NADK2: variants seen among roughly 807,000 people sequenced by gnomAD.
NADK2 encodes NAD kinase 2, mitochondrial, also known as NAD kinase domain-containing protein 1, mitochondrial.
NADK2 carries 35 observed loss-of-function variants against 62.1 expected under a neutral mutation model. The observed-to-expected ratio is 0.56, with a 90% CI of 0.43 to 0.75. The LOEUF (loss-of-function observed/expected upper bound fraction) is 0.75. NADK2 is among the 30% of genes least tolerant of loss of function. The pLI is 0.00. For missense variants in NADK2, 439 were observed against 561.3 expected, an observed-to-expected ratio of 0.78 and a Z score of 2.20; for synonymous variants, 205 against 207.9, an observed-to-expected ratio of 0.99 and a Z score of 0.12.
At chr5:36,240,757 A>G (rs1207833535) in intron 1 of NADK2, among the ~76,000 whole-genome samples, 1 of 152,220 alleles carries the variant, frequency 6.6e-6, no homozygotes, top group Non-Finnish European at 1.5e-5. Context: ...ACTGCTGCAC[A>G]AGAGTCGCAG....
chr5:36,204,849 T>G lies in NADK2; in HGVS notation c.956+2321A>C, dbSNP rs577322021. Among the ~76,000 whole-genome samples, 10 of 152,118 alleles carry G rather than the reference T, an allele frequency of 6.6e-5. No individual in the cohort carries two copies. The East Asian group carries it at 1.9e-3, about 29-fold the overall frequency. The stretch of plus-strand genomic sequence containing the variant: ...GATAGGGGTACAGAGGTAACAAGAT[T>G]GGGCATGTGTTGATAATTACTGAAA... On this transcript the variant is annotated intron_variant, in intron 8 of 11. Transcript: ENST00000381937.
intron 7 of NADK2, among the ~76,000 whole-genome samples, chr5:36,209,001 A>C (rs1198447620): frequency 6.6e-6 from 1 of 152,136 alleles, no homozygotes; most frequent in African/African-American, 2.4e-5. Flanking sequence ...GCATTAAATG[A>C]GATAGCATAC....
At position 36,241,298 on chromosome 5, in the gene NADK2, C is replaced by T; in HGVS notation, c.300+201G>A. 4 of 1,074,650 alleles carry T rather than the reference C, an allele frequency of 3.7e-6. No individual in the cohort carries two copies. Among genetic ancestry groups the T allele is most frequent in the Non-Finnish European group, 4.9e-6 (4 of 816,560 alleles). 66.6% of individuals were successfully genotyped at this position (1,074,650 alleles called of 1,614,324 possible). A position where few individuals can be genotyped will look rare whatever the true frequency, so the allele number is the denominator to read the frequency against. On this transcript the variant is annotated intron_variant, in intron 1 of 11. Coordinates refer to ENST00000381937, the MANE Select transcript of NADK2 (RefSeq NM_001085411.3). This position sits in a 1 kb window ranked among gnomAD's most constrained non-coding sequence, Gnocchi z 4.9. ...CCCTCTCTCTCCCCCTCTCCCCGGCCCTGCCTCTCCCTCGCACACACGCCC... is the reference window on the plus strand; with the variant it reads ...CCCTCTCTCTCCCCCTCTCCCCGGCTCTGCCTCTCCCTCGCACACACGCCC...
rs1746593163 is a variant in NADK2, at chr5:36,205,281, CTT to C, written c.956+1887_956+1888del. On this transcript the variant is annotated intron_variant, in intron 8 of 11. Transcript: ENST00000381937. The surrounding 1 kb of genome is among the most constrained non-coding windows in gnomAD (Gnocchi z 4.1). ...AGGATGAAAATGATTAATTCACTGTCTTTATGAAACAGGTGAGTGTTAAGGAT... is the reference window on the plus strand; with the variant it reads ...AGGATGAAAATGATTAATTCACTGTCTATGAAACAGGTGAGTGTTAAGGAT... 6.6e-6 allele frequency among the ~76,000 whole-genome samples: 1 copy of C among 151,404 alleles called. No homozygotes were observed. The highest frequency in any genetic ancestry group is 1.9e-4 in the East Asian group (1 of 5,160).
chr5:36,213,628 T>TATATATATATATATATATATATATAC (rs1746935764), intron 6 of NADK2, among the ~76,000 whole-genome samples: 1 of 145,638 alleles, frequency 6.9e-6, no homozygotes, highest in Non-Finnish European at 1.5e-5. Flanking sequence ...CATATATATA[T>TATATATATATATATATATATATATAC]ATATGGATTT....
chr5:36,219,472 A>G (rs906161561), intron 5 of NADK2, 124 bp downstream of exon 5: 2 of 764,554 alleles, frequency 2.6e-6, no homozygotes, highest in South Asian at 2.0e-5. Context: ...CGGCCTCCCA[A>G]AGTACTGGGA....
intron 5 of NADK2, 52 bp from the exon 6 acceptor site, chr5:36,217,936 A>C (rs768999672): frequency 3.3e-5 from 50 of 1,508,528 alleles, no homozygotes; most frequent in Admixed American, 2.2e-4. Flanking sequence ...TAAATTAAAG[A>C]GTAGACATTA....
intron 1 of NADK2, among the ~76,000 whole-genome samples, chr5:36,240,535 T>C (rs1748067251): frequency 6.6e-6 from 1 of 152,152 alleles, no homozygotes; most frequent in Non-Finnish European, 1.5e-5. Flanking sequence ...ATTAAGAGAT[T>C]TCCAATATAT....
intron 7 of NADK2, among the ~76,000 whole-genome samples, chr5:36,209,807 T>C (rs1366583803): frequency 6.6e-6 from 1 of 152,188 alleles, no homozygotes; most frequent in Non-Finnish European, 1.5e-5. Context: ...CTATCTTTGT[T>C]ATTCATCTTT....
intron 1 of NADK2, among the ~76,000 whole-genome samples, chr5:36,231,932 A>AAAAT (rs57966966): frequency 0.061 from 9,286 of 151,910 alleles, 998 homozygotes; most frequent in African/African-American, 0.21. Flanking sequence ...TCTCTCCATT[A>AAAAT]AAATAAATAA....
At chr5:36,216,460 G>C (rs1747046575) in intron 6 of NADK2, among the ~76,000 whole-genome samples, 1 of 151,920 alleles carries the variant, frequency 6.6e-6, no homozygotes, top group Non-Finnish European at 1.5e-5. Flanking sequence ...TGTTGCCTGT[G>C]CTTTTGAAGT....
chr5:36,204,500 T>C (rs778559325), intron 8 of NADK2, among the ~76,000 whole-genome samples: 5 of 152,118 alleles, frequency 3.3e-5, no homozygotes, highest in Non-Finnish European at 5.9e-5. Flanking sequence ...ACAAGTAGCA[T>C]AGCATGTTCA....
intron 6 of NADK2, among the ~76,000 whole-genome samples, chr5:36,212,763 A>T (rs566764050): frequency 6.6e-6 from 1 of 152,256 alleles, no homozygotes; most frequent in Admixed American, 6.5e-5. Flanking sequence ...CACAATTCCT[A>T]CTAAGTTAAT....
In NADK2 at chr5:36,241,612, C is replaced by T; in HGVS notation, c.187G>A (p.Asp63Asn). Residue 63 changes from aspartate (D) to asparagine (N), a missense_variant, in exon 1 of 12, where the codon GAC (aspartate) becomes AAC (asparagine). Physicochemically the swap from Asp to Asn is conservative, Grantham distance 23. Transcript: ENST00000381937. The surrounding 1 kb of genome is among the most constrained non-coding windows in gnomAD (Gnocchi z 4.9). ...RELAGCGSRA[D>N]GGFRPSRVVV... ...ACCCGGGAGGGGCGGAAGCCGCCGTCCGCGCGGCTGCCACAGCCCGCCAGC... is the reference window on the plus strand; with the variant it reads ...ACCCGGGAGGGGCGGAAGCCGCCGTTCGCGCGGCTGCCACAGCCCGCCAGC... The T allele has an allele frequency of 6.7e-7, 1 of 1,493,106 alleles. No individual in the cohort carries two copies. Among genetic ancestry groups the T allele is most frequent in the Non-Finnish European group, 8.9e-7 (1 of 1,129,348 alleles). The allele number at this position is 1,493,106 out of a possible 1,614,324, so 92.5% of individuals were successfully genotyped here. A position where few individuals can be genotyped will look rare whatever the true frequency, so the allele number is the denominator to read the frequency against.
chr5:36,237,626 AAC>A (rs767124119), intron 1 of NADK2, among the ~76,000 whole-genome samples: 18 of 152,236 alleles, frequency 1.2e-4, no homozygotes, highest in Non-Finnish European at 2.2e-4. Context: ...AATGGAAATT[AAC>A]ACAGTTTGAA....
At chr5:36,235,067 A>G (rs1372921482) in intron 1 of NADK2, among the ~76,000 whole-genome samples, 1 of 152,240 alleles carries the variant, frequency 6.6e-6, no homozygotes, top group Non-Finnish European at 1.5e-5. Context: ...AATATTTAAA[A>G]GTGACACTTT....
At chr5:36,228,655 G>A (rs943339024) in intron 1 of NADK2, among the ~76,000 whole-genome samples, 3 of 150,026 alleles carry the variant, frequency 2.0e-5, no homozygotes, top group African/African-American at 7.4e-5. Flanking sequence ...GTCTGGCTCT[G>A]TTGCCCAGGC....
At chr5:36,219,798 G>T (rs1747196410) in intron 4 of NADK2, 119 bp from the exon 5 acceptor site, 1 of 727,310 alleles carries the variant, frequency 1.4e-6, no homozygotes, top group Non-Finnish European at 2.2e-6. Context: ...TTCTAAAAAT[G>T]TCTACCCTAT....
In NADK2 at chr5:36,194,487, C is replaced by G. The variant is rs1471196788; in HGVS notation, c.*657G>C. 1.3e-5 allele frequency: 2 copies of G among 152,122 alleles called. No individual in the cohort carries two copies. Among genetic ancestry groups the G allele is most frequent in the Non-Finnish European group, 2.9e-5 (2 of 67,988 alleles). 9.4% of individuals were successfully genotyped at this position (152,122 alleles called of 1,614,324 possible). The stretch of plus-strand genomic sequence containing the variant: ...ACAGCATCATGATTTGTTTTGCTAT[C>G]TGTATTTCACCCAGAACTGCTGAAT... On this transcript the variant is annotated 3_prime_UTR_variant, in exon 12 of 12. Transcript: ENST00000381937.
Sources: gnomAD v4.1 joint callset for allele counts (sites outside exome capture counted in the v4.1 genomes callset) on GRCh38, gnomAD v4.1.1 for gene constraint, Gnocchi (gnomAD v3.1) non-coding constraint, MANE v1.5 for transcripts, NCBI Gene and HGNC (gene_info 2026-07-23, HGNC 2026-07-21) for gene names.